The following CLIP2 variants were observed in gnomAD, a reference collection of about 807,000 sequenced individuals.
CLIP2 encodes the protein CAP-Gly domain-containing linker protein 2.
CLIP2 carries 41 observed loss-of-function variants against 111.7 expected under a neutral mutation model. That is an observed-to-expected ratio of 0.37 (90% CI 0.29 to 0.48). The LOEUF is 0.48. CLIP2 is among the 20% of genes least tolerant of loss of function. CLIP2 has a pLI of 0.99. For synonymous variants in CLIP2, 660 were observed against 644.2 expected (o/e 1.02, Z -0.37); for missense variants, 1,160 against 1,422.1 (o/e 0.82, Z 2.96).
chr7:74,351,445 A>G (rs1281476612), intron 3 of CLIP2, among the ~76,000 whole-genome samples: 2 of 151,762 alleles, frequency 1.3e-5, no homozygotes, highest in African/African-American at 4.8e-5. Flanking sequence ...AAAAAAAAAA[A>G]AAAGAATAAA....
intron 2 of CLIP2, among the ~76,000 whole-genome samples, chr7:74,333,121 T>G (rs1326033418): frequency 6.6e-6 from 1 of 152,182 alleles, no homozygotes; most frequent in African/African-American, 2.4e-5. Flanking sequence ...AGTAAATTCC[T>G]TTGTGGCTCT....
intron 3 of CLIP2, among the ~76,000 whole-genome samples, chr7:74,340,406 T>C (rs1554305162): frequency 2.0e-5 from 3 of 151,948 alleles, no homozygotes; most frequent in African/African-American, 7.2e-5. Context: ...AAAAAAGCAA[T>C]AATAATAACA....
chr7:74,313,574 AT>A (rs1788695665), intron 1 of CLIP2, among the ~76,000 whole-genome samples: 1 of 151,572 alleles, frequency 6.6e-6, no homozygotes, highest in East Asian at 1.9e-4. Context: ...AAAAAAAAAA[AT>A]GAAGAGCCCA....
intron 2 of CLIP2, among the ~76,000 whole-genome samples, chr7:74,326,350 G>T (rs1456440188): frequency 2.0e-5 from 3 of 152,156 alleles, no homozygotes; most frequent in Non-Finnish European, 4.4e-5. Context: ...CCTCCCCAGG[G>T]GTGGGGTGCC....
intron 2 of CLIP2, among the ~76,000 whole-genome samples, chr7:74,330,289 T>A (rs1401659469): frequency 1.3e-5 from 2 of 148,332 alleles, no homozygotes; most frequent in Admixed American, 6.9e-5. Flanking sequence ...GGAGTCTCGC[T>A]CCCGTCACCC....
At chr7:74,379,388 G>GCA (rs1237429037) in intron 10 of CLIP2, among the ~76,000 whole-genome samples, 1 of 151,624 alleles carries the variant, frequency 6.6e-6, no homozygotes, top group Non-Finnish European at 1.5e-5. Flanking sequence ...TAGTCTAAAC[G>GCA]CATATGTCCC....
Position 74,376,059 on chromosome 7 carries a change from G to A in CLIP2, c.1658G>A (p.Ser553Asn), listed in dbSNP as rs144838891. 1 of 1,612,846 alleles carries A rather than the reference G, an allele frequency of 6.2e-7. No individual in the cohort carries two copies. The highest frequency in any genetic ancestry group is 1.3e-5 in the African/African-American group (1 of 75,038). The change falls in exon 10 of 17, where the codon AGC (serine) becomes AAC (asparagine). Residue 553 changes from serine (S) to asparagine (N), a missense_variant. By Grantham distance (46) the Ser-to-Asn change is conservative. Transcript: ENST00000223398. The surrounding 1 kb of genome is among the most constrained non-coding windows in gnomAD (Gnocchi z 7.1). ...CTACGGGAGCGGCTGCTCTCGGCCA[G>A]CAAGGAACACCAGAGGGAGAGTGGG... The part of the protein sequence containing the change: ...LRLRERLLSA[S>N]KEHQRESGVL...
chr7:74,320,917 CGCCCA>C (rs562334400), intron 2 of CLIP2, among the ~76,000 whole-genome samples: 242 of 151,536 alleles, frequency 1.6e-3, no homozygotes, highest in African/African-American at 5.7e-3. Context: ...GAAGGGCACC[CGCCCA>C]GCCCAACCCT....
At chr7:74,401,416 G>A in intron 15 of CLIP2, 89 bp from the exon 16 acceptor site, 2 of 1,278,536 alleles carry the variant, frequency 1.6e-6, no homozygotes, top group Non-Finnish European at 1.1e-6. Flanking sequence ...AGCCTGAGAC[G>A]GTCCCATGGG....
intron 1 of CLIP2, among the ~76,000 whole-genome samples, chr7:74,302,766 G>A (rs542535925): frequency 2.6e-5 from 4 of 152,308 alleles, no homozygotes; most frequent in East Asian, 1.9e-4. Flanking sequence ...TTGAAGCCAC[G>A]TGGGCTTGTG....
At position 74,373,056 on chromosome 7, in the gene CLIP2, C is replaced by T. The variant is rs201741678; in HGVS notation, c.1485+20C>T. ...AACAGGGTAACCGCGCCACCGCACCCGCCTGGCCCGCCAGCCACCTTGCCC... is the reference window on the plus strand; with the variant it reads ...AACAGGGTAACCGCGCCACCGCACCTGCCTGGCCCGCCAGCCACCTTGCCC... On this transcript the variant is annotated intron_variant, in intron 9 of 16. Transcript: ENST00000223398. 4.5e-3 allele frequency: 6,837 copies of T among 1,518,032 alleles called. 30 individuals are homozygous for T. The highest frequency in any genetic ancestry group is 6.8e-3 in the Admixed American group (345 of 50,866). 94.0% of individuals were successfully genotyped at this position (1,518,032 alleles called of 1,614,324 possible). A position where few individuals can be genotyped will look rare whatever the true frequency, so the allele number is the denominator to read the frequency against.
intron 2 of CLIP2, among the ~76,000 whole-genome samples, chr7:74,323,739 C>A (rs1169971867): frequency 6.6e-6 from 1 of 152,014 alleles, no homozygotes; most frequent in Non-Finnish European, 1.5e-5. Context: ...GCCTAGATGT[C>A]TTATGTTCAG....
At chr7:74,299,492 A>G (rs1368390030) in intron 1 of CLIP2, among the ~76,000 whole-genome samples, 2 of 152,276 alleles carry the variant, frequency 1.3e-5, no homozygotes, top group Non-Finnish European at 2.9e-5. Context: ...GCAGGTGCTC[A>G]TGGCCTGCTG....
intron 13 of CLIP2, among the ~76,000 whole-genome samples, chr7:74,394,332 C>T (rs553741093): frequency 1.0e-4 from 15 of 146,646 alleles, no homozygotes; most frequent in Non-Finnish European, 1.6e-4. Context: ...CTCACCGCAA[C>T]CTCTGCCTCC....
chr7:74,364,177 C>G lies in CLIP2; in HGVS notation c.1320-78C>G, dbSNP rs533425463. 9.0e-6 allele frequency: 12 copies of G among 1,336,586 alleles called. No individual in the cohort carries two copies. In the East Asian group the frequency reaches 2.9e-4, roughly 33 times the overall value. The allele number at this position is 1,336,586 out of a possible 1,614,324, so 82.8% of individuals were successfully genotyped here. A position where few individuals can be genotyped will look rare whatever the true frequency, so the allele number is the denominator to read the frequency against. ...CTGGGCCATTCTCATGGCCTTGCCT[C>G]TCTCTGCTGTTGCTCATTCGGTGAA... is the stretch of plus-strand genomic sequence containing the variant. On this transcript the variant is annotated intron_variant, in intron 7 of 16. Transcript: ENST00000223398.
intron 14 of CLIP2, among the ~76,000 whole-genome samples, chr7:74,399,631 C>G (rs1032177095): frequency 7.9e-5 from 12 of 151,648 alleles, no homozygotes; most frequent in Non-Finnish European, 1.5e-4. Context: ...CCTCCACCTC[C>G]CGGGTTCAAG....
At chr7:74,383,223 G>A (rs1790995945) in intron 11 of CLIP2, among the ~76,000 whole-genome samples, 1 of 151,860 alleles carries the variant, frequency 6.6e-6, no homozygotes, top group Non-Finnish European at 1.5e-5. Context: ...GTGAGATAAG[G>A]ATCCATTTTT....
At chr7:74,349,496 A>G (rs563025773) in intron 3 of CLIP2, among the ~76,000 whole-genome samples, 4 of 133,902 alleles carry the variant, frequency 3.0e-5, no homozygotes, top group African/African-American at 5.6e-5. Flanking sequence ...ATATATATAT[A>G]TATATATATA....
At chr7:74,353,617 A>G (rs1790070749) in intron 3 of CLIP2, among the ~76,000 whole-genome samples, 1 of 152,182 alleles carries the variant, frequency 6.6e-6, no homozygotes, top group Non-Finnish European at 1.5e-5. Context: ...CTAGGCACAC[A>G]CAGCTTCTAA....
Sources: gnomAD v4.1 joint callset for allele counts (sites outside exome capture counted in the v4.1 genomes callset) on GRCh38, gnomAD v4.1.1 for gene constraint, Gnocchi (gnomAD v3.1) non-coding constraint, MANE v1.5 for transcripts, NCBI Gene and HGNC (gene_info 2026-07-23, HGNC 2026-07-21) for gene names.